Variants in CCDC93 observed in about 807,000 individuals in gnomAD.
CCDC93 encodes CCC complex scaffolding subunit CCDC93.
Under a neutral mutation model 108.2 loss-of-function variants are expected in CCDC93, and 61 were observed. The ratio of observed to expected loss-of-function variants is 0.56; its 90% confidence interval spans 0.46 to 0.70. CCDC93 has a LOEUF of 0.70. CCDC93 is among the 30% of genes least tolerant of loss of function. The pLI, the probability that CCDC93 is intolerant of heterozygous loss-of-function variation, is 0.00. For synonymous variants in CCDC93, 276 were observed against 260.4 expected (o/e 1.06, Z -0.58); for missense variants, 685 against 764.2 (o/e 0.90, Z 1.22).
At chr2:117,925,301 G>T (rs1406900923) in intron 23 of CCDC93, among the ~76,000 whole-genome samples, 15 of 152,150 alleles carry the variant, frequency 9.9e-5, no homozygotes, top group Admixed American at 6.5e-4. Context: ...TGGGCTAAAT[G>T]CTTCAATTAA....
At chr2:117,987,463 T>C (rs1680354308) in intron 6 of CCDC93, among the ~76,000 whole-genome samples, 1 of 152,162 alleles carries the variant, frequency 6.6e-6, no homozygotes, top group Non-Finnish European at 1.5e-5. Context: ...AACCTAAATA[T>C]CAGGGGTTTA....
At chr2:117,980,460 G>C (rs776017312) in intron 7 of CCDC93, among the ~76,000 whole-genome samples, 47 of 152,230 alleles carry the variant, frequency 3.1e-4, no homozygotes, top group South Asian at 6.2e-4. Context: ...ATAAGGAAGT[G>C]AACAACCAAA....
chr2:117,985,147 A>AAAC (rs1009566732), intron 7 of CCDC93, among the ~76,000 whole-genome samples: 8 of 44,802 alleles, frequency 1.8e-4, no homozygotes, highest in African/African-American at 9.3e-4. Context: ...AAAACAAAAC[A>AAAC]AAAAAAAAAA....
chr2:118,011,388 C>G (rs1286474151), intron 1 of CCDC93, among the ~76,000 whole-genome samples: 1 of 152,122 alleles, frequency 6.6e-6, no homozygotes, highest in Admixed American at 6.5e-5. Flanking sequence ...ATTAAGGATC[C>G]TGAAGATCAG....
rs756680391 is a variant in CCDC93, at chr2:117,995,431, G to C, written c.519+15C>G. On this transcript the variant is annotated intron_variant, in intron 6 of 23. Coordinates refer to ENST00000376300, the MANE Select transcript of CCDC93 (RefSeq NM_019044.5). ...ACGCAGGACTCTGACAGAAGAATAC[G>C]GCCAGGGGACTTACTGAGAGGTCCA... The C allele has an allele frequency of 2.5e-6, 4 of 1,600,792 alleles. No homozygotes were observed. Among genetic ancestry groups the C allele is most frequent in the Non-Finnish European group, 3.4e-6 (4 of 1,168,040 alleles).
At chr2:117,945,005 T>TA in intron 17 of CCDC93, among the ~76,000 whole-genome samples, 1 of 152,238 alleles carries the variant, frequency 6.6e-6, no homozygotes, top group Non-Finnish European at 1.5e-5. Flanking sequence ...CAAATATGCC[T>TA]TGTGGCCCAT....
chr2:117,970,357 T>C (rs1442697924), intron 11 of CCDC93, among the ~76,000 whole-genome samples: 1 of 152,060 alleles, frequency 6.6e-6, no homozygotes, highest in Non-Finnish European at 1.5e-5. Context: ...TCTACATAGG[T>C]TAAAGAATTA....
At chr2:117,952,731 C>A (rs1263306602) in intron 12 of CCDC93, among the ~76,000 whole-genome samples, 3 of 152,132 alleles carry the variant, frequency 2.0e-5, no homozygotes, top group African/African-American at 7.2e-5. Flanking sequence ...TCAGAGCAGT[C>A]AAGTTTATTT....
chr2:117,996,596 A>C, intron 4 of CCDC93: 4 of 382,180 alleles, frequency 1.0e-5, no homozygotes, highest in Non-Finnish European at 1.9e-5. Flanking sequence ...TTAAAGCCTT[A>C]CTTCACATCC....
intron 4 of CCDC93, chr2:117,997,304 A>G (rs1433893933): frequency 1.3e-5 from 2 of 152,170 alleles, no homozygotes; most frequent in Non-Finnish European, 1.5e-5. Context: ...TAAGGGTGTA[A>G]AGTGTAAAAA....
intron 1 of CCDC93, among the ~76,000 whole-genome samples, chr2:118,010,627 A>C (rs770677899): frequency 3.3e-5 from 5 of 152,068 alleles, no homozygotes; most frequent in Non-Finnish European, 7.4e-5. Context: ...TCCCTTCCTA[A>C]ATCACAGCTT....
At chr2:117,944,753 C>A in intron 17 of CCDC93, 1 of 471,168 alleles carries the variant, frequency 2.1e-6, no homozygotes, top group Admixed American at 2.3e-5. Context: ...CAGCTGCAGG[C>A]AAAATCCAAC....
chr2:117,983,401 T>G (rs1680209308), intron 7 of CCDC93, among the ~76,000 whole-genome samples: 2 of 152,100 alleles, frequency 1.3e-5, no homozygotes, highest in Non-Finnish European at 2.9e-5. Flanking sequence ...AATCTGCCTT[T>G]TGTCAGTTCA....
At chr2:117,989,617 AG>A (rs1222797416) in intron 6 of CCDC93, among the ~76,000 whole-genome samples, 2 of 152,200 alleles carry the variant, frequency 1.3e-5, no homozygotes, top group Non-Finnish European at 2.9e-5. Context: ...AACAAGCTAG[AG>A]TTTTAATGCT....
chr2:117,924,304 G>A (rs550032025), intron 23 of CCDC93, among the ~76,000 whole-genome samples: 2 of 152,302 alleles, frequency 1.3e-5, no homozygotes, highest in South Asian at 2.1e-4. Context: ...GTTGAGAGAA[G>A]AACGCTTCAG....
At chr2:118,001,807 T>C (rs1467604182) in intron 3 of CCDC93, among the ~76,000 whole-genome samples, 2 of 152,218 alleles carry the variant, frequency 1.3e-5, no homozygotes, top group Non-Finnish European at 2.9e-5. Flanking sequence ...GTCTGTTTTA[T>C]TGCAGCCTGA....
chr2:118,005,952 T>C (rs550814139), intron 3 of CCDC93, among the ~76,000 whole-genome samples: 2 of 152,320 alleles, frequency 1.3e-5, no homozygotes, highest in South Asian at 4.1e-4. Context: ...GGCAAATCTT[T>C]GGCCAACAGT....
intron 7 of CCDC93, among the ~76,000 whole-genome samples, chr2:117,981,054 T>A (rs1680102604): frequency 6.6e-6 from 1 of 152,258 alleles, no homozygotes; most frequent in Admixed American, 6.5e-5. Context: ...GGCTGAATAA[T>A]ATCCCATTAT....
intron 15 of CCDC93, 77 bp from the exon 16 acceptor site, chr2:117,946,959 A>G: frequency 9.3e-7 from 1 of 1,079,900 alleles, no homozygotes; most frequent in African/African-American, 1.6e-5. Flanking sequence ...TTTGGTCCAC[A>G]AGTCTTATTT....
Sources: gnomAD v4.1 joint callset for allele counts (sites outside exome capture counted in the v4.1 genomes callset) on GRCh38, gnomAD v4.1.1 for gene constraint, MANE v1.5 for transcripts, NCBI Gene and HGNC (gene_info 2026-07-23, HGNC 2026-07-21) for gene names.